Variants in VIM observed in about 807,000 individuals in gnomAD.
The protein encoded by VIM is epididymis secretory sperm binding protein.
In VIM, 18 loss-of-function variants were observed where a neutral mutation model predicts 50.3. That is an observed-to-expected ratio of 0.36 (90% CI 0.25 to 0.53). The LOEUF (loss-of-function observed/expected upper bound fraction) is 0.53. Among genes scored for constraint, VIM ranks in the 20% least tolerant of loss-of-function variants. VIM has a pLI of 0.91. For synonymous variants in VIM, 245 were observed against 248.5 expected, an observed-to-expected ratio of 0.99 and a Z score of 0.13; for missense variants, 551 against 614.7, an observed-to-expected ratio of 0.90 and a Z score of 1.10.
At chr10:17,235,759 T>C (rs1846876575) in intron 7 of VIM, 87 bp from the exon 8 acceptor site, 37 of 1,309,450 alleles carry the variant, frequency 2.8e-5, no homozygotes, top group Non-Finnish European at 4.1e-5. Flanking sequence ...TTTTCTTACG[T>C]GACGAAAACA....
intron 3 of VIM, among the ~76,000 whole-genome samples, chr10:17,232,545 T>C (rs1349385755): frequency 6.6e-6 from 1 of 152,212 alleles, no homozygotes; most frequent in Admixed American, 6.5e-5. Flanking sequence ...GAAAAAGACA[T>C]GCCTTTACAG....
intron 3 of VIM, among the ~76,000 whole-genome samples, chr10:17,232,339 C>A (rs1310163515): frequency 6.6e-6 from 1 of 152,188 alleles, no homozygotes; most frequent in African/African-American, 2.4e-5. Context: ...ACAAGATAAG[C>A]AATCCTCACG....
At position 17,237,566 on chromosome 10, in the gene VIM, C is replaced by T; in HGVS notation, c.*295C>T. 3.0e-6 allele frequency: 1 copy of T among 328,224 alleles called. No homozygotes were observed. The highest frequency in any genetic ancestry group is 6.0e-5 in the South Asian group (1 of 16,666). The allele number at this position is 328,224 out of a possible 1,614,324, so 20.3% of individuals were successfully genotyped here. A position where few individuals can be genotyped will look rare whatever the true frequency, so the allele number is the denominator to read the frequency against. On this transcript the variant is annotated 3_prime_UTR_variant, in exon 10 of 10. Transcript: ENST00000544301. ...CAGCAAGTATCCAACCAACTTGGTT[C>T]TGCTTCAATAAATCTTTGGAAAAAC...
At chr10:17,235,448 C>T in intron 7 of VIM, 59 bp downstream of exon 7, 1 of 1,568,676 alleles carries the variant, frequency 6.4e-7, no homozygotes. Flanking sequence ...GGCCCTGTGC[C>T]ACTGGGCTCT....
chr10:17,232,817 T>G (rs1443332600), intron 3 of VIM, among the ~76,000 whole-genome samples: 2 of 152,276 alleles, frequency 1.3e-5, no homozygotes, highest in Non-Finnish European at 2.9e-5. Flanking sequence ...CTGTTCTCCA[T>G]GTACTCAAGT....
intron 1 of VIM, 32 bp from the exon 2 acceptor site, chr10:17,229,244 G>T (rs1588731093): frequency 6.4e-6 from 4 of 624,562 alleles, no homozygotes; most frequent in African/African-American, 3.8e-5. Flanking sequence ...TCCTAACGGG[G>T]TTATAAAAAC....
In VIM at chr10:17,229,531, A is replaced by G; in HGVS notation, c.109A>G (p.Thr37Ala). 1 of 1,608,014 alleles carries G rather than the reference A, an allele frequency of 6.2e-7. No homozygotes were observed. The highest frequency in any genetic ancestry group is 1.3e-5 in the African/African-American group (1 of 74,880). Residue 37 changes from threonine to alanine, a missense_variant, in exon 2 of 10, where the codon ACC becomes GCC. Transcript: ENST00000544301. ...GAGCTACGTGACTACGTCCACCCGC[A>G]CCTACAGCCTGGGCAGCGCGCTGCG... ...SRSYVTTSTR[T>A]YSLGSALRPS...
rs1846743131 is a variant in VIM, at chr10:17,229,581, C to T, written c.159C>T (p.Tyr53=). The T allele has an allele frequency of 1.2e-6, 2 of 1,608,192 alleles. No individual in the cohort carries two copies. The highest frequency in any genetic ancestry group is 4.5e-5 in the East Asian group (2 of 44,682). Residue 53 remains tyrosine (Y), a synonymous_variant, in exon 2 of 10, where the codon TAC becomes TAT. Transcript: ENST00000544301. Reference sequence around the variant, plus strand: ...GCCCCAGCACCAGCCGCAGCCTCTACGCCTCGTCCCCGGGCGGCGTGTATG... The same window carrying T: ...GCCCCAGCACCAGCCGCAGCCTCTATGCCTCGTCCCCGGGCGGCGTGTATG... ...ALRPSTSRSL[Y]ASSPGGVYAT... is the part of the protein sequence containing the mutation.
At position 17,235,009 on chromosome 10, in the gene VIM, C is replaced by T. The variant is rs1019108442; in HGVS notation, c.1009-160C>T. ...AGGTTTTAGCTTGCCTATATCATTG[C>T]TTCTAATATGAAGGACTTGGTACTC... On this transcript the variant is annotated intron_variant, in intron 6 of 9. Transcript: ENST00000544301. 33 of 1,162,290 alleles carry T rather than the reference C, an allele frequency of 2.8e-5. No individual in the cohort carries two copies. The Admixed American group carries it at 6.4e-4, about 23-fold the overall frequency. The allele number at this position is 1,162,290 out of a possible 1,614,324, so 72.0% of individuals were successfully genotyped here.
At chr10:17,230,292 A>T (rs543261939) in intron 2 of VIM, 46 of 571,830 alleles carry the variant, frequency 8.0e-5, no homozygotes, top group African/African-American at 7.9e-4. Context: ...AATGAGAGCC[A>T]GTCCTCCAAA....
rs371414928 is a variant in VIM, at chr10:17,230,446, G to A, written c.564-204G>A. On this transcript the variant is annotated intron_variant, in intron 2 of 9. Transcript: ENST00000544301. ...CGGGGCTGTCCTGTAGGTCTGTGCG[G>A]CCACCGTGATTGCCCCTCTGCGCGG... 1,138 of 688,892 alleles carry A rather than the reference G, an allele frequency of 1.7e-3. 22 individuals carry two copies. In the South Asian group the frequency reaches 0.017, roughly 10 times the overall value. 42.7% of individuals were successfully genotyped at this position (688,892 alleles called of 1,614,324 possible).
At chr10:17,233,228 A>G (rs1347592292) in intron 3 of VIM, 2 of 330,236 alleles carry the variant, frequency 6.1e-6, no homozygotes, top group Non-Finnish European at 1.2e-5. Flanking sequence ...GATTACAGGC[A>G]TAAGCCACCA....
Position 17,229,348 on chromosome 10 carries a change from G to C in VIM, c.-75G>C. On this transcript the variant is annotated 5_prime_UTR_variant, in exon 2 of 10. Coordinates refer to ENST00000544301, the MANE Select transcript of VIM (RefSeq NM_003380.5). ...CGCTCCCACCACCCACACCCACCGCGCCCTCGTTCGCCTCTTCTCCGGGAG... is the reference window on the plus strand; with the variant it reads ...CGCTCCCACCACCCACACCCACCGCCCCCTCGTTCGCCTCTTCTCCGGGAG... 1 of 1,463,918 alleles carries C rather than the reference G, an allele frequency of 6.8e-7. No individual in the cohort carries two copies. The highest frequency in any genetic ancestry group is 9.2e-7 in the Non-Finnish European group (1 of 1,082,552). The allele number at this position is 1,463,918 out of a possible 1,614,324, so 90.7% of individuals were successfully genotyped here. A position where few individuals can be genotyped will look rare whatever the true frequency, so the allele number is the denominator to read the frequency against.
At chr10:17,237,207 T>C in intron 9 of VIM, 23 bp from the exon 10 acceptor site, 1 of 1,590,332 alleles carries the variant, frequency 6.3e-7, no homozygotes. Context: ...ATTATATTTA[T>C]TTTGGTTTTT....
Position 17,229,241 on chromosome 10 carries a change from G to C in VIM, c.-147-35G>C, listed in dbSNP as rs1040415719. 2.1e-5 allele frequency: 12 copies of C among 585,242 alleles called. No homozygotes were observed. In the East Asian group the frequency reaches 3.0e-4, roughly 15 times the overall value. 36.3% of individuals were successfully genotyped at this position (585,242 alleles called of 1,614,324 possible). On this transcript the variant is annotated intron_variant, in intron 1 of 9. Coordinates refer to ENST00000544301, the MANE Select transcript of VIM (RefSeq NM_003380.5). ...GTGGGAGGGGACCCTCTTTCCTAAC[G>C]GGGTTATAAAAACAGCGCCCTCGGC... is the stretch of plus-strand genomic sequence containing the variant.
chr10:17,230,735 CA>C (rs772896643), intron 3 of VIM, 25 bp downstream of exon 3: 3 of 1,613,852 alleles, frequency 1.9e-6, no homozygotes, highest in African/African-American at 2.7e-5. Context: ...TTCCCACTCG[CA>C]GCCGCCTGAC....
chr10:17,235,884 T>G lies in VIM; in HGVS notation c.1268T>G (p.Leu423Arg). 1 of 1,613,682 alleles carries G rather than the reference T, an allele frequency of 6.2e-7. No homozygotes were observed. Among genetic ancestry groups the G allele is most frequent in the Non-Finnish European group, 8.5e-7 (1 of 1,179,656 alleles). Residue 423 changes from leucine (L) to arginine (R), a missense_variant, in exon 8 of 10, where the codon CTG becomes CGG. Coordinates refer to ENST00000544301, the MANE Select transcript of VIM (RefSeq NM_003380.5). ...LPLPNFSSLN[L>R]RETNLDSLPL... ...CTTCCAAACTTTTCCTCCCTGAACC[T>G]GAGGGGTAAGCATTTTATTTCCCTT...
chr10:17,228,981 C>A, intron 1 of VIM: 1 of 237,204 alleles, frequency 4.2e-6, no homozygotes, highest in Admixed American at 5.4e-5. Flanking sequence ...CAGTCCCAGG[C>A]GGACCCCCCC....
At chr10:17,235,043 C>A in intron 6 of VIM, 126 bp from the exon 7 acceptor site, 2 of 1,229,138 alleles carry the variant, frequency 1.6e-6, no homozygotes, top group Non-Finnish European at 2.3e-6. Flanking sequence ...TCGCATTCTC[C>A]ACCTAAAATT....
Sources: gnomAD v4.1 joint callset for allele counts (sites outside exome capture counted in the v4.1 genomes callset) on GRCh38, gnomAD v4.1.1 for gene constraint, MANE v1.5 for transcripts, NCBI Gene and HGNC (gene_info 2026-07-23, HGNC 2026-07-21) for gene names.